ME2: variants seen among roughly 807,000 people sequenced by gnomAD.
The protein encoded by ME2 is malic enzyme 2.
In ME2, 60 loss-of-function variants were observed where a neutral mutation model predicts 73.7. The observed-to-expected ratio is 0.81, with a 90% confidence interval of 0.66 to 1.01. The LOEUF is 1.01. Ranked by LOEUF, ME2 falls within the 50% of genes least tolerant of loss-of-function variation. The probability of loss-of-function intolerance (pLI) is 0.00; values close to 1 mark genes in which losing one functional copy is unlikely to be tolerated. For synonymous variants in ME2, 199 were observed against 236.9 expected, an observed-to-expected ratio of 0.84 and a Z score of 1.47; for missense variants, 594 against 705.5, an observed-to-expected ratio of 0.84 and a Z score of 1.79.
Position 50,950,084 on chromosome 18 carries a change from T to C in ME2, c.*2900T>C, listed in dbSNP as rs1386118875. ...TGATGATTAGAGTGTCAGTAAGTAG[T>C]AGGAAAAGGTAAGAATACATGTGTT... On this transcript the variant is annotated 3_prime_UTR_variant, in exon 16 of 16. Transcript: ENST00000321341. 1.3e-5 allele frequency: 2 copies of C among 152,224 alleles called. No homozygotes were observed. Among genetic ancestry groups the C allele is most frequent in the African/African-American group, 2.4e-5 (1 of 41,462 alleles). 9.4% of individuals were successfully genotyped at this position (152,224 alleles called of 1,614,324 possible).
chr18:50,947,355 T>C lies in ME2; in HGVS notation c.*171T>C. 3.3e-6 allele frequency: 2 copies of C among 611,172 alleles called. No homozygotes were observed. Among genetic ancestry groups the C allele is most frequent in the South Asian group, 4.3e-5 (2 of 46,716 alleles). The allele number at this position is 611,172 out of a possible 1,614,324, so 37.9% of individuals were successfully genotyped here. A position where few individuals can be genotyped will look rare whatever the true frequency, so the allele number is the denominator to read the frequency against. The stretch of plus-strand genomic sequence containing the variant: ...CATCTGTTGGGGTAGACGTGTTGAT[T>C]GATTGCATTGCCCACCAGCACCCTA... On this transcript the variant is annotated 3_prime_UTR_variant, in exon 16 of 16. Coordinates refer to ENST00000321341, the MANE Select transcript of ME2 (RefSeq NM_002396.5).
chr18:50,922,931 T>C (rs1466817567), intron 10 of ME2, among the ~76,000 whole-genome samples: 1 of 152,218 alleles, frequency 6.6e-6, no homozygotes, highest in Non-Finnish European at 1.5e-5. Flanking sequence ...AATACACTTT[T>C]TCAGAAGTCT....
At chr18:50,932,390 G>A (rs1917717179) in intron 13 of ME2, 30 bp downstream of exon 13, 14 of 1,517,286 alleles carry the variant, frequency 9.2e-6, no homozygotes, top group Non-Finnish European at 1.3e-5. Flanking sequence ...ATGTTATAGA[G>A]CAATAGTTAA....
At chr18:50,885,991 G>A (rs933106522) in intron 1 of ME2, among the ~76,000 whole-genome samples, 3 of 151,952 alleles carry the variant, frequency 2.0e-5, no homozygotes, top group African/African-American at 7.3e-5. Context: ...TAAAATCAAT[G>A]GAGTTTGCTC....
chr18:50,924,696 G>A (rs1200897014), intron 11 of ME2, among the ~76,000 whole-genome samples: 1 of 150,632 alleles, frequency 6.6e-6, no homozygotes, highest in Non-Finnish European at 1.5e-5. Context: ...TTGTTTTCTT[G>A]TTTTTTGTTT....
intron 1 of ME2, among the ~76,000 whole-genome samples, chr18:50,892,721 A>C (rs967093537): frequency 6.6e-6 from 1 of 152,128 alleles, no homozygotes; most frequent in African/African-American, 2.4e-5. Context: ...GGTGGCAGTT[A>C]TATCATCTGC....
chr18:50,939,752 G>T, intron 14 of ME2, 112 bp downstream of exon 14: 3 of 666,374 alleles, frequency 4.5e-6, no homozygotes, highest in South Asian at 2.3e-5. Context: ...TAATGAAAAG[G>T]AAGTTACTCA....
At chr18:50,896,125 C>A (rs1916738729) in intron 2 of ME2, among the ~76,000 whole-genome samples, 197 bp downstream of exon 2, 1 of 152,132 alleles carries the variant, frequency 6.6e-6, no homozygotes, top group South Asian at 2.1e-4. Context: ...ATCCTCATGA[C>A]TTTTACCACC....
intron 2 of ME2, among the ~76,000 whole-genome samples, 180 bp downstream of exon 2, chr18:50,896,108 C>CAA (rs1193591053): frequency 6.6e-6 from 1 of 152,168 alleles, no homozygotes; most frequent in African/African-American, 2.4e-5. Context: ...TATACCTCCT[C>CAA]AATTTCATCC....
intron 1 of ME2, among the ~76,000 whole-genome samples, chr18:50,891,953 A>ACCACAC (rs1036122347): frequency 2.0e-5 from 3 of 148,892 alleles, no homozygotes; most frequent in Non-Finnish European, 4.4e-5. Context: ...GGTGTACACC[A>ACCACAC]CCACACCCAG....
At chr18:50,889,504 C>G (rs1160192281) in intron 1 of ME2, among the ~76,000 whole-genome samples, 1 of 152,156 alleles carries the variant, frequency 6.6e-6, no homozygotes, top group Non-Finnish European at 1.5e-5. Flanking sequence ...GGCTCTTCAT[C>G]TGTATCCTTT....
chr18:50,884,707 T>C (rs8099477), intron 1 of ME2, among the ~76,000 whole-genome samples: 10 of 152,318 alleles, frequency 6.6e-5, no homozygotes, highest in African/African-American at 2.2e-4. Context: ...AGATTTCGTA[T>C]ATCAGCAACC....
intron 1 of ME2, among the ~76,000 whole-genome samples, chr18:50,894,704 A>T (rs2144195211): frequency 6.6e-6 from 1 of 151,680 alleles, no homozygotes; most frequent in African/African-American, 2.4e-5. Context: ...CCCCTTATAT[A>T]CTAAAAATAA....
chr18:50,883,810 C>T (rs1282221142), intron 1 of ME2, among the ~76,000 whole-genome samples: 4 of 152,092 alleles, frequency 2.6e-5, no homozygotes, highest in Admixed American at 6.5e-5. Flanking sequence ...TTGCAGTGAG[C>T]CAAGATTGTG....
chr18:50,880,206 C>T (rs1278818487), intron 1 of ME2, among the ~76,000 whole-genome samples: 1 of 152,090 alleles, frequency 6.6e-6, no homozygotes, highest in Non-Finnish European at 1.5e-5. Flanking sequence ...CTCAAAATAA[C>T]CCTTTGAGGT....
chr18:50,924,631 T>C (rs1467045981), intron 11 of ME2, among the ~76,000 whole-genome samples: 2 of 151,566 alleles, frequency 1.3e-5, no homozygotes, highest in Non-Finnish European at 1.5e-5. Flanking sequence ...CAGCAGAAAA[T>C]GTAAAAGTGT....
At chr18:50,909,152 ACCATATTGC>A (rs1917088907) in intron 3 of ME2, among the ~76,000 whole-genome samples, 1 of 149,526 alleles carries the variant, frequency 6.7e-6, no homozygotes, top group African/African-American at 2.5e-5. Flanking sequence ...ACAGGGTTTA[ACCATATTGC>A]CCATATTGCC....
chr18:50,924,704 T>G (rs1441094595), intron 11 of ME2, among the ~76,000 whole-genome samples: 2 of 145,462 alleles, frequency 1.4e-5, no homozygotes, highest in South Asian at 2.2e-4. Context: ...TTGTTTTTTG[T>G]TTTTTTTTTT....
chr18:50,915,913 A>G (rs907660908), intron 4 of ME2: 13 of 312,888 alleles, frequency 4.2e-5, no homozygotes, highest in African/African-American at 2.9e-4. Flanking sequence ...TGAACATGAG[A>G]TGTGGTTACA....
Sources: allele counts gnomAD v4.1 joint callset (sites outside exome capture counted in the v4.1 genomes callset), GRCh38; gene constraint gnomAD v4.1.1; transcripts MANE v1.5; gene names NCBI Gene and HGNC (gene_info 2026-07-23, HGNC 2026-07-21).